TEX2: variants seen among roughly 807,000 people sequenced by gnomAD.
The protein encoded by TEX2 is testis-expressed protein 2.
TEX2 carries 53 observed loss-of-function variants against 106.9 expected under a neutral mutation model. The ratio of observed to expected loss-of-function variants is 0.50; its 90% CI spans 0.40 to 0.62. The LOEUF is 0.62. TEX2 is among the 20% of genes least tolerant of loss of function. The pLI, the probability that TEX2 is intolerant of heterozygous loss-of-function variation, is 0.00. For missense variants in TEX2, 1,207 were observed against 1,379.0 expected (o/e 0.88, Z 1.98); for synonymous variants, 523 against 534.8 (o/e 0.98, Z 0.30).
intron 2 of TEX2, among the ~76,000 whole-genome samples, chr17:64,202,397 C>T (rs2032698458): frequency 6.6e-6 from 1 of 152,194 alleles, no homozygotes; most frequent in Admixed American, 6.5e-5. Flanking sequence ...AATTCTGCCC[C>T]TTCACACTCC....
intron 8 of TEX2, 173 bp from the exon 9 acceptor site, chr17:64,155,140 A>G: frequency 1.3e-6 from 1 of 748,528 alleles, no homozygotes; most frequent in Non-Finnish European, 1.9e-6. Context: ...CCAATCCAAG[A>G]ATCCTTGGAT....
chr17:64,211,699 A>T (rs1413359737), intron 2 of TEX2, among the ~76,000 whole-genome samples: 1 of 151,444 alleles, frequency 6.6e-6, no homozygotes, highest in Non-Finnish European at 1.5e-5. Context: ...CGATTTTGGT[A>T]TCCTTGGGGG....
At chr17:64,199,054 G>A (rs1264299826) in intron 2 of TEX2, among the ~76,000 whole-genome samples, 2 of 152,184 alleles carry the variant, frequency 1.3e-5, no homozygotes, top group Admixed American at 6.5e-5. Flanking sequence ...TGCTGGGATT[G>A]TACAGGTTAA....
intron 1 of TEX2, among the ~76,000 whole-genome samples, chr17:64,255,225 T>C (rs1267295901): frequency 5.9e-5 from 9 of 152,078 alleles, no homozygotes; most frequent in African/African-American, 1.2e-4. Context: ...AGTAAATACA[T>C]AGACTAACTG....
At chr17:64,193,463 G>GATTCCTTC in intron 4 of TEX2, 96 bp downstream of exon 4, 2 of 993,982 alleles carry the variant, frequency 2.0e-6, no homozygotes, top group Non-Finnish European at 1.4e-6. Flanking sequence ...TTCAGGGTGG[G>GATTCCTTC]CTTCCTTCCT....
At chr17:64,238,376 T>G (rs1555635358) in intron 1 of TEX2, among the ~76,000 whole-genome samples, 2 of 152,236 alleles carry the variant, frequency 1.3e-5, no homozygotes, top group Non-Finnish European at 2.9e-5. Context: ...AAAATATATC[T>G]TTCAAGAGAA....
intron 6 of TEX2, among the ~76,000 whole-genome samples, chr17:64,172,783 T>C (rs573069701): frequency 6.6e-6 from 1 of 152,180 alleles, no homozygotes; most frequent in Non-Finnish European, 1.5e-5. Context: ...GAGTTACTTA[T>C]CTGAGTGTGC....
chr17:64,243,990 G>T (rs183642089), intron 1 of TEX2, among the ~76,000 whole-genome samples: 1 of 151,918 alleles, frequency 6.6e-6, no homozygotes, highest in Non-Finnish European at 1.5e-5. Context: ...TGTATTTTCA[G>T]TAGAGACGGG....
chr17:64,199,271 C>G (rs1035834718), intron 2 of TEX2, among the ~76,000 whole-genome samples: 7 of 152,174 alleles, frequency 4.6e-5, no homozygotes, highest in Non-Finnish European at 8.8e-5. Flanking sequence ...GAGTCTCGCT[C>G]TGTTGCCCAG....
Position 64,213,654 on chromosome 17 carries a change from G to T in TEX2, c.564C>A (p.Phe188Leu). The T allele has an allele frequency of 6.2e-7, 1 of 1,614,176 alleles. No homozygotes were observed. The highest frequency in any genetic ancestry group is 1.3e-5 in the African/African-American group (1 of 75,032). Residue 188 changes from phenylalanine (F) to leucine (L), a missense_variant, in exon 2 of 12, where the codon TTC (phenylalanine) becomes TTA (leucine). Transcript: ENST00000584379. The surrounding 1 kb of genome is among the most constrained non-coding windows in gnomAD (Gnocchi z 4.4). ...STSTLSSAKPFMSLVKSLSTE... is the reference protein window; with the variant it reads ...STSTLSSAKPLMSLVKSLSTE... Reference sequence around the variant, plus strand: ...TCGACAGGGACTTCACAAGGCTCATGAAGGGTTTTGCACTGGAAAGGGTGG... The same window carrying T: ...TCGACAGGGACTTCACAAGGCTCATTAAGGGTTTTGCACTGGAAAGGGTGG...
Position 64,154,879 on chromosome 17 carries a change from T to C in TEX2, c.2893A>G (p.Ser965Gly). Residue 965 changes from serine (S) to glycine (G), a missense_variant, in exon 9 of 12, where the codon AGC becomes GGC. Physicochemically the swap from Ser to Gly is moderately conservative, Grantham distance 56. Around this residue, in one of 3 missense-constraint regions of TEX2, gnomAD observed 1,067 missense variants for 1,193.6 expected, o/e 0.89. Coordinates refer to ENST00000584379, the MANE Select transcript of TEX2 (RefSeq NM_001288732.2). ...SSEEDDAPEP[S>G]GGDKQLLPGA... ...GGGAGGAGCTGTTTGTCTCCCCCGC[T>C]GGGCTCTGGGGCATCGTCTTCCTCG... 2 of 1,609,070 alleles carry C rather than the reference T, an allele frequency of 1.2e-6. No homozygotes were observed. The highest frequency in any genetic ancestry group is 1.3e-5 in the African/African-American group (1 of 74,774).
At chr17:64,260,053 G>A (rs1049357314) in intron 1 of TEX2, among the ~76,000 whole-genome samples, 5 of 152,214 alleles carry the variant, frequency 3.3e-5, no homozygotes, top group African/African-American at 1.2e-4. Context: ...GGTAAGCAGA[G>A]CACAAGGATA....
intron 7 of TEX2, among the ~76,000 whole-genome samples, chr17:64,168,406 C>A (rs1489508976): frequency 6.6e-6 from 1 of 152,232 alleles, no homozygotes; most frequent in African/African-American, 2.4e-5. Context: ...TCTCTAAAAA[C>A]GTACCCTGAA....
At chr17:64,202,509 C>A (rs1275522194) in intron 2 of TEX2, among the ~76,000 whole-genome samples, 2 of 152,208 alleles carry the variant, frequency 1.3e-5, no homozygotes, top group African/African-American at 4.8e-5. Context: ...CACCCAGGAT[C>A]TGACCAAGTC....
chr17:64,214,929 C>A (rs1174295198), intron 1 of TEX2, among the ~76,000 whole-genome samples: 1 of 152,050 alleles, frequency 6.6e-6, no homozygotes, highest in Admixed American at 6.5e-5. Context: ...TCTGAGGCAT[C>A]AGGATAAAGC....
intron 1 of TEX2, among the ~76,000 whole-genome samples, chr17:64,221,759 G>A (rs114012284): frequency 0.032 from 4,834 of 152,306 alleles, 128 homozygotes; most frequent in South Asian, 0.1. Flanking sequence ...TTCAGACAAT[G>A]GCCAAGAGGT....
intron 1 of TEX2, among the ~76,000 whole-genome samples, chr17:64,248,277 T>G (rs535028446): frequency 1.3e-5 from 2 of 152,224 alleles, no homozygotes; most frequent in Non-Finnish European, 2.9e-5. Context: ...TTATAAGCTA[T>G]TAATTTGGGA....
chr17:64,258,354 C>A (rs970495265), intron 1 of TEX2, among the ~76,000 whole-genome samples: 1 of 152,186 alleles, frequency 6.6e-6, no homozygotes, highest in Non-Finnish European at 1.5e-5. Context: ...CAGGCATCCA[C>A]TGGGGAGCAA....
chr17:64,188,106 C>T (rs1003435194), intron 5 of TEX2, 62 bp downstream of exon 5: 32 of 1,560,144 alleles, frequency 2.1e-5, no homozygotes, highest in Non-Finnish European at 2.5e-5. Context: ...GGAGCACTTA[C>T]GCATGAAGAA....
Sources: allele counts gnomAD v4.1 joint callset (sites outside exome capture counted in the v4.1 genomes callset), GRCh38; gene constraint gnomAD v4.1.1; regional missense constraint gnomAD v4.1.1; non-coding constraint Gnocchi (gnomAD v3.1); transcripts MANE v1.5; gene names NCBI Gene and HGNC (gene_info 2026-07-23, HGNC 2026-07-21).